Variants in SLC9A2 observed in about 807,000 individuals in gnomAD.
SLC9A2 encodes the protein solute carrier family 9 member A2.
A neutral mutation model predicts 71.7 loss-of-function variants in SLC9A2; 42 were observed. The ratio of observed to expected loss-of-function variants is 0.59; its 90% CI spans 0.46 to 0.76. The LOEUF is 0.76. Among genes scored for constraint, SLC9A2 ranks in the 30% least tolerant of loss-of-function variants. The probability of loss-of-function intolerance (pLI) is 0.00; values close to 1 mark genes in which losing one functional copy is unlikely to be tolerated. For missense variants in SLC9A2, 829 were observed against 1,017.4 expected (o/e 0.81, Z 2.52); for synonymous variants, 396 against 392.5 (o/e 1.01, Z -0.10).
rs567545274 is a variant in SLC9A2 at position 102,654,172 on chromosome 2, G to A, written c.290-3392G>A. ...GATTGCATTTGGATATTAGGGGACT[G>A]GCGATGCTGCTGTTGGCTGACTCTT... On this transcript the variant is annotated intron_variant, in intron 1 of 11. Coordinates refer to ENST00000233969, the MANE Select transcript of SLC9A2 (RefSeq NM_003048.6). 3.3e-5 allele frequency among the ~76,000 whole-genome samples: 5 copies of A among 151,634 alleles called. No individual in the cohort carries two copies. The East Asian group carries it at 9.7e-4, about 29-fold the overall frequency.
chr2:102,693,199 CTTG>C (rs1677696226), intron 5 of SLC9A2, among the ~76,000 whole-genome samples: 3 of 151,842 alleles, frequency 2.0e-5, no homozygotes, highest in African/African-American at 7.3e-5. Context: ...ACCAAATTTT[CTTG>C]TTATTTTTAA....
rs182421851 is a variant in SLC9A2 at position 102,656,147 on chromosome 2, C to T, written c.290-1417C>T. On this transcript the variant is annotated intron_variant, in intron 1 of 11. Transcript: ENST00000233969. ...ATTGCTGTTGTCTTGCAAATAAGTG[C>T]GCTCCAAACTTAAGCTCTGTCCAGT... is the stretch of plus-strand genomic sequence containing the variant. Among the ~76,000 whole-genome samples the T allele has an allele frequency of 1.8e-3, 269 of 152,298 alleles. 3 individuals carry two copies. Among genetic ancestry groups the T allele is most frequent in the African/African-American group, 6.2e-3 (259 of 41,560 alleles).
intron 1 of SLC9A2, among the ~76,000 whole-genome samples, chr2:102,653,161 C>A (rs187362121): frequency 6.6e-6 from 1 of 152,312 alleles, no homozygotes; most frequent in Admixed American, 6.5e-5. Context: ...AAGCACTGAA[C>A]TAAGATCTTG....
chr2:102,689,595 A>G (rs1677621057), intron 5 of SLC9A2: 1 of 152,232 alleles, frequency 6.6e-6, no homozygotes, highest in Non-Finnish European at 1.5e-5. Context: ...CCATCTTTAT[A>G]TTTCATTAAC....
chr2:102,693,811 C>T (rs182355372), intron 5 of SLC9A2, among the ~76,000 whole-genome samples: 169 of 152,332 alleles, frequency 1.1e-3, no homozygotes, highest in Admixed American at 2.7e-3. Context: ...TAACTATTCA[C>T]CATTGGGTTC....
At chr2:102,693,384 GAGAC>G (rs1323014365) in intron 5 of SLC9A2, among the ~76,000 whole-genome samples, 2 of 152,178 alleles carry the variant, frequency 1.3e-5, no homozygotes, top group Admixed American at 6.5e-5. Flanking sequence ...GAGCTGAACA[GAGAC>G]AGACAGAGCA....
intron 9 of SLC9A2, among the ~76,000 whole-genome samples, chr2:102,703,419 C>T (rs1021940945): frequency 1.3e-5 from 2 of 152,080 alleles, no homozygotes; most frequent in African/African-American, 2.4e-5. Context: ...TCTCGCTGTC[C>T]CCTGGGAGCA....
chr2:102,678,359 C>A (rs1677381710), intron 3 of SLC9A2, among the ~76,000 whole-genome samples: 2 of 149,132 alleles, frequency 1.3e-5, no homozygotes, highest in Admixed American at 6.7e-5. Flanking sequence ...GAGAGACATG[C>A]ATGAAAAGGG....
chr2:102,698,369 C>A lies in SLC9A2; in HGVS notation c.1587-2701C>A, dbSNP rs577842924. ...CGGCACAGGTGTGTCTATAAACCTCCTTGGGCTTGTGGTGATCACGTAGTA... is the reference window on the plus strand; with the variant it reads ...CGGCACAGGTGTGTCTATAAACCTCATTGGGCTTGTGGTGATCACGTAGTA... On this transcript the variant is annotated intron_variant, in intron 7 of 11. Coordinates refer to ENST00000233969, the MANE Select transcript of SLC9A2 (RefSeq NM_003048.6). Among the ~76,000 whole-genome samples the A allele has an allele frequency of 2.6e-5, 4 of 152,304 alleles. No homozygotes were observed. In the East Asian group the frequency reaches 7.7e-4, roughly 29 times the overall value.
At chr2:102,687,977 G>A (rs1002446773) in intron 5 of SLC9A2, among the ~76,000 whole-genome samples, 4 of 151,818 alleles carry the variant, frequency 2.6e-5, no homozygotes, top group South Asian at 2.1e-4. Flanking sequence ...ATGCGGTTTC[G>A]CTGTGTTCGC....
intron 3 of SLC9A2, among the ~76,000 whole-genome samples, chr2:102,675,370 T>C (rs2104533553): frequency 6.6e-6 from 1 of 152,248 alleles, no homozygotes; most frequent in South Asian, 2.1e-4. Context: ...GTGGGAGCCT[T>C]TGGAATCTTT....
At chr2:102,670,950 C>A (rs1315353859) in intron 3 of SLC9A2, among the ~76,000 whole-genome samples, 1 of 137,478 alleles carries the variant, frequency 7.3e-6, no homozygotes, top group African/African-American at 2.6e-5. Context: ...GAGTGTTAAA[C>A]CATAGCCCTA....
intron 2 of SLC9A2, 131 bp from the exon 3 acceptor site, chr2:102,664,969 A>T: frequency 2.1e-6 from 2 of 943,012 alleles, no homozygotes; most frequent in South Asian, 3.3e-5. Context: ...ATACACAATG[A>T]TTGTCATTTT....
Position 102,665,305 on chromosome 2 carries a change from T to G in SLC9A2, c.959T>G (p.Leu320Trp). Reference sequence around the variant, plus strand: ...CTGTTTGTTTTCCTGTACAGTTATTTGTCCTACATCACAGCTGAAATGTTT... The same window carrying G: ...CTGTTTGTTTTCCTGTACAGTTATTGGTCCTACATCACAGCTGAAATGTTT... ...EPLFVFLYSY[L>W]SYITAEMFHL... The change falls in exon 3 of 12, where the codon TTG becomes TGG. Residue 320 changes from leucine (L) to tryptophan (W), a missense_variant. By Grantham distance (61) the Leu-to-Trp change is moderately conservative (BLOSUM62 -2). Around this residue, in one of 3 missense-constraint regions of SLC9A2, gnomAD observed 500 missense variants for 726.3 expected, o/e 0.69. Coordinates refer to ENST00000233969, the MANE Select transcript of SLC9A2 (RefSeq NM_003048.6). 1 of 1,614,150 alleles carries G rather than the reference T, an allele frequency of 6.2e-7. No homozygotes were observed. The highest frequency in any genetic ancestry group is 8.5e-7 in the Non-Finnish European group (1 of 1,180,006).
intron 5 of SLC9A2, 43 bp from the exon 6 acceptor site, chr2:102,694,371 G>T (rs774883502): frequency 2.6e-6 from 2 of 766,906 alleles, no homozygotes; most frequent in East Asian, 6.4e-5. Context: ...TTTATAAATT[G>T]TATAAATATA....
At chr2:102,682,782 C>T (rs1451988187) in intron 3 of SLC9A2, among the ~76,000 whole-genome samples, 1 of 152,046 alleles carries the variant, frequency 6.6e-6, no homozygotes, top group Non-Finnish European at 1.5e-5. Context: ...GGCAGGGGGG[C>T]TACTAAGATG....
Position 102,683,481 on chromosome 2 carries a change from A to C in SLC9A2, c.1222+3A>C, listed in dbSNP as rs369832785. 3 of 1,612,296 alleles carry C rather than the reference A, an allele frequency of 1.9e-6. No homozygotes were observed. Among genetic ancestry groups the C allele is most frequent in the Non-Finnish European group, 2.5e-6 (3 of 1,178,360 alleles). On this transcript the variant is annotated splice_donor_region_variant and intron_variant, in intron 4 of 11. Coordinates refer to ENST00000233969, the MANE Select transcript of SLC9A2 (RefSeq NM_003048.6). Reference sequence around the variant, plus strand: ...CTGCCTCATGTGGCGAGCCCTGGGTAATGAGTGCTTGTTTGCTAACTGGAC... The same window carrying C: ...CTGCCTCATGTGGCGAGCCCTGGGTCATGAGTGCTTGTTTGCTAACTGGAC...
At chr2:102,671,406 A>G (rs1354013629) in intron 3 of SLC9A2, among the ~76,000 whole-genome samples, 3 of 152,184 alleles carry the variant, frequency 2.0e-5, no homozygotes, top group Non-Finnish European at 4.4e-5. Flanking sequence ...AAATTAAGTG[A>G]TACAAAAACA....
At chr2:102,627,937 AT>A (rs1471989985) in intron 1 of SLC9A2, among the ~76,000 whole-genome samples, 3 of 152,138 alleles carry the variant, frequency 2.0e-5, no homozygotes, top group Non-Finnish European at 2.9e-5. Flanking sequence ...GAGCTCCAAA[AT>A]TGACATGCAC....
Sources: allele counts gnomAD v4.1 joint callset (sites outside exome capture counted in the v4.1 genomes callset), GRCh38; gene constraint gnomAD v4.1.1; regional missense constraint gnomAD v4.1.1; transcripts MANE v1.5; gene names NCBI Gene and HGNC (gene_info 2026-07-23, HGNC 2026-07-21).